SH3BP5: variants seen among roughly 807,000 people sequenced by gnomAD.
SH3BP5 encodes SH3 domain binding protein 5, also known as SH3 domain-binding protein 5.
A neutral mutation model predicts 43.3 loss-of-function variants in SH3BP5; 22 were observed. The observed-to-expected ratio is 0.51, with a 90% CI of 0.36 to 0.73. SH3BP5 has a LOEUF of 0.73. Among genes scored for constraint, SH3BP5 ranks in the 30% least tolerant of loss-of-function variants. The pLI, the probability that SH3BP5 is intolerant of heterozygous loss-of-function variation, is 0.00. For synonymous variants in SH3BP5, 255 were observed against 225.8 expected, an observed-to-expected ratio of 1.13 and a Z score of -1.16; for missense variants, 529 against 586.9, an observed-to-expected ratio of 0.90 and a Z score of 1.02.
In SH3BP5 at chr3:15,294,326, TGTGTGCGC is replaced by T. The variant is rs1319069851; in HGVS notation, c.330+9769_330+9776del. Among the ~76,000 whole-genome samples, 165 of 124,930 alleles carry T rather than the reference TGTGTGCGC, an allele frequency of 1.3e-3. 1 individual carries two copies. The highest frequency in any genetic ancestry group is 5.9e-3 in the African/African-American group (162 of 27,346). 82.0% of individuals were successfully genotyped at this position (124,930 alleles called of 152,430 possible). A position where few individuals can be genotyped will look rare whatever the true frequency, so the allele number is the denominator to read the frequency against. On this transcript the variant is annotated intron_variant, in intron 3 of 8. Transcript: ENST00000383791. ...GTGTGTGTGTGTGTGTGTGTGTGTG[TGTGTGCGC>T]GCGCATGTTTACGTAACTCCCCCTC...
At chr3:15,332,176 G>T (rs1698628598) in intron 1 of SH3BP5, 95 bp downstream of exon 1, 4 of 1,528,118 alleles carry the variant, frequency 2.6e-6, no homozygotes, top group Non-Finnish European at 2.6e-6. Flanking sequence ...CCGGACCACA[G>T]TTACTGGGGG....
At chr3:15,282,677 T>C (rs903483036) in intron 3 of SH3BP5, among the ~76,000 whole-genome samples, 1 of 150,956 alleles carries the variant, frequency 6.6e-6, no homozygotes, top group Non-Finnish European at 1.5e-5. Context: ...GGATACTAGA[T>C]GATATTTAAA....
At chr3:15,260,476 T>G (rs925367445) in intron 5 of SH3BP5, 2 of 154,506 alleles carry the variant, frequency 1.3e-5, no homozygotes, top group Non-Finnish European at 2.9e-5. Context: ...GCCTGAACAT[T>G]AAGAGTAGAT....
In SH3BP5 at chr3:15,332,444, C is replaced by T. The variant is rs1317923184; in HGVS notation, c.-36G>A. On this transcript the variant is annotated 5_prime_UTR_variant, in exon 1 of 9. Coordinates refer to ENST00000383791, the MANE Select transcript of SH3BP5 (RefSeq NM_004844.5). Reference sequence around the variant, plus strand: ...GGCACGCGCGCCGCGCAGTGGGCTCCGGAGCGCCCCGGGGGTCGCGGCTGC... The same window carrying T: ...GGCACGCGCGCCGCGCAGTGGGCTCTGGAGCGCCCCGGGGGTCGCGGCTGC... 1 of 1,500,586 alleles carries T rather than the reference C, an allele frequency of 6.7e-7. No individual in the cohort carries two copies. The highest frequency in any genetic ancestry group is 1.3e-5 in the South Asian group (1 of 79,080). 93.0% of individuals were successfully genotyped at this position (1,500,586 alleles called of 1,614,324 possible).
intron 2 of SH3BP5, among the ~76,000 whole-genome samples, chr3:15,306,158 C>T (rs1027795105): frequency 6.6e-6 from 1 of 151,930 alleles, no homozygotes; most frequent in African/African-American, 2.4e-5. Context: ...AGATCGAGAC[C>T]ATCCTGGCTA....
At chr3:15,308,979 T>G (rs902197107) in intron 2 of SH3BP5, among the ~76,000 whole-genome samples, 6 of 152,146 alleles carry the variant, frequency 3.9e-5, no homozygotes, top group African/African-American at 1.2e-4. Flanking sequence ...ATGGCTCAAC[T>G]GTGAATAGCA....
chr3:15,275,498 G>A (rs182192638), intron 3 of SH3BP5, among the ~76,000 whole-genome samples: 5 of 152,304 alleles, frequency 3.3e-5, no homozygotes, highest in Admixed American at 6.5e-5. Context: ...AGGGCTCTAT[G>A]CTCTCAGGTC....
At chr3:15,256,477 G>GAGGTTCTCAGTACATAATC in intron 8 of SH3BP5, 174 bp from the exon 9 acceptor site, 1 of 680,582 alleles carries the variant, frequency 1.5e-6, no homozygotes, top group Non-Finnish European at 2.6e-6. Context: ...GCCTATCAGA[G>GAGGTTCTCAGTACATAATC]AGGTTCTCAG....
intron 1 of SH3BP5, 71 bp downstream of exon 1, chr3:15,332,200 G>A (rs1241966706): frequency 1.7e-5 from 26 of 1,541,584 alleles, no homozygotes; most frequent in Non-Finnish European, 2.3e-5. Flanking sequence ...CGAAGTGGCT[G>A]TACGCGTAGA....
At chr3:15,288,233 C>T (rs1697317515) in intron 3 of SH3BP5, among the ~76,000 whole-genome samples, 1 of 152,170 alleles carries the variant, frequency 6.6e-6, no homozygotes, top group African/African-American at 2.4e-5. Context: ...ACTCTAAGTC[C>T]ACTGATTTAA....
Position 15,296,341 on chromosome 3 carries a change from T to TACACACAC in SH3BP5, c.330+7754_330+7761dup, listed in dbSNP as rs141504303. Among the ~76,000 whole-genome samples the TACACACAC allele has an allele frequency of 4.0e-3, 583 of 146,248 alleles. 3 individuals are homozygous for TACACACAC. Among genetic ancestry groups the TACACACAC allele is most frequent in the African/African-American group, 0.012 (477 of 39,580 alleles). ...CCATACCTCAAATGGGGAAATCATA[T>TACACACAC]ACACACACACACACACACACACACA... On this transcript the variant is annotated intron_variant, in intron 3 of 8. Coordinates refer to ENST00000383791, the MANE Select transcript of SH3BP5 (RefSeq NM_004844.5).
intron 8 of SH3BP5, 60 bp from the exon 9 acceptor site, chr3:15,256,363 G>C (rs1334399763): frequency 6.6e-7 from 1 of 1,505,990 alleles, no homozygotes; most frequent in Non-Finnish European, 9.1e-7. Flanking sequence ...GTCTCCTATA[G>C]AAATACAAAG....
intron 3 of SH3BP5, among the ~76,000 whole-genome samples, chr3:15,303,483 G>T (rs1697808416): frequency 6.6e-6 from 1 of 152,150 alleles, no homozygotes; most frequent in African/African-American, 2.4e-5. Flanking sequence ...GCCAAAGGAA[G>T]ACCAACTCCT....
At chr3:15,322,309 T>C (rs1698348626) in intron 2 of SH3BP5, among the ~76,000 whole-genome samples, 1 of 152,102 alleles carries the variant, frequency 6.6e-6, no homozygotes, top group East Asian at 1.9e-4. Flanking sequence ...ATATATTTTA[T>C]GTATAGTTTT....
chr3:15,290,525 CAAAAA>C (rs3031239), intron 3 of SH3BP5, among the ~76,000 whole-genome samples: 2 of 56,274 alleles, frequency 3.6e-5, no homozygotes, highest in African/African-American at 7.1e-5. Context: ...GACTCTGTCC[CAAAAA>C]AAAAAAAAAA....
intron 7 of SH3BP5, 99 bp downstream of exon 7, chr3:15,258,732 C>T (rs1179569190): frequency 6.4e-6 from 7 of 1,089,542 alleles, no homozygotes; most frequent in Non-Finnish European, 9.6e-6. Context: ...CTGCCCAACT[C>T]TGAGACCTTT....
chr3:15,322,006 A>T (rs1180710001), intron 2 of SH3BP5, among the ~76,000 whole-genome samples: 1 of 152,098 alleles, frequency 6.6e-6, no homozygotes, highest in Non-Finnish European at 1.5e-5. Flanking sequence ...GGAGTTCGAG[A>T]TCAGCTTGAC....
At chr3:15,334,623 G>T (rs1035927818), upstream of SH3BP5, among the ~76,000 whole-genome samples, 7 of 151,932 alleles carry the variant, frequency 4.6e-5, no homozygotes. Context: ...ATTGTATTAG[G>T]TATTGCAGGT....
chr3:15,258,655 T>C (rs1485907019), intron 7 of SH3BP5, 176 bp downstream of exon 7: 10 of 602,734 alleles, frequency 1.7e-5, no homozygotes, highest in South Asian at 1.6e-4. Context: ...TGAGGAACAC[T>C]TAGTACCTTC....
Sources: gnomAD v4.1 joint callset for allele counts (sites outside exome capture counted in the v4.1 genomes callset) on GRCh38, gnomAD v4.1.1 for gene constraint, MANE v1.5 for transcripts, NCBI Gene and HGNC (gene_info 2026-07-23, HGNC 2026-07-21) for gene names.